The following B4GALNT3 variants were observed in gnomAD, a reference collection of about 807,000 sequenced individuals.
The protein encoded by B4GALNT3 is beta-1,4-N-acetylgalactosaminyltransferase 3.
B4GALNT3 carries 86 observed loss-of-function variants against 120.2 expected under a neutral mutation model. That is an observed-to-expected ratio of 0.72 (90% CI 0.60 to 0.86). The LOEUF is 0.86. B4GALNT3 is among the 40% of genes least tolerant of loss of function. The pLI, the probability that B4GALNT3 is intolerant of heterozygous loss-of-function variation, is 0.00. For synonymous variants in B4GALNT3, 518 were observed against 510.4 expected, an observed-to-expected ratio of 1.01 and a Z score of -0.20; for missense variants, 1,167 against 1,298.9, an observed-to-expected ratio of 0.90 and a Z score of 1.56.
chr12:531,767 T>C (rs1360475230), intron 1 of B4GALNT3, among the ~76,000 whole-genome samples: 1 of 152,128 alleles, frequency 6.6e-6, no homozygotes, highest in Non-Finnish European at 1.5e-5. Context: ...TTGGAAATTT[T>C]TAGGAAGAAA....
chr12:484,094 A>G (rs1592016657), intron 1 of B4GALNT3, among the ~76,000 whole-genome samples: 3 of 152,354 alleles, frequency 2.0e-5, no homozygotes, highest in Middle Eastern at 6.8e-3. Flanking sequence ...TTTATGAGGA[A>G]CTAATCCCGT....
intron 1 of B4GALNT3, among the ~76,000 whole-genome samples, chr12:488,965 A>T (rs1478168990): frequency 9.2e-5 from 14 of 152,132 alleles, no homozygotes. Flanking sequence ...GCTCGCTTAA[A>T]ACCACGGAAG....
At chr12:546,616 T>C (rs1167633801) in intron 6 of B4GALNT3, 30 bp from the exon 7 acceptor site, 1 of 1,544,486 alleles carries the variant, frequency 6.5e-7, no homozygotes, top group Non-Finnish European at 8.8e-7. Flanking sequence ...TCTCTGTTCC[T>C]CCCTCCTCTT....
chr12:536,043 C>T (rs1433004159), intron 2 of B4GALNT3, among the ~76,000 whole-genome samples, 175 bp from the exon 3 acceptor site: 1 of 152,184 alleles, frequency 6.6e-6, no homozygotes, highest in African/African-American at 2.4e-5. Context: ...TGAAGGAACC[C>T]GAGGAGCAGG....
At chr12:539,548 AAAAG>A (rs1350848485) in intron 3 of B4GALNT3, among the ~76,000 whole-genome samples, 8 of 152,120 alleles carry the variant, frequency 5.3e-5, no homozygotes, top group East Asian at 1.9e-4. Context: ...AAAAAAAAAA[AAAAG>A]AAAGAAACAG....
intron 1 of B4GALNT3, among the ~76,000 whole-genome samples, chr12:513,960 A>T (rs1946624060): frequency 1.3e-5 from 2 of 152,168 alleles, no homozygotes; most frequent in African/African-American, 4.8e-5. Context: ...TTCATAGTTG[A>T]TGATGGACAT....
At chr12:468,414 G>A (rs760767465) in intron 1 of B4GALNT3, among the ~76,000 whole-genome samples, 1 of 152,158 alleles carries the variant, frequency 6.6e-6, no homozygotes, top group Non-Finnish European at 1.5e-5. Flanking sequence ...AAATTATTAC[G>A]TCTTTCCATA....
chr12:488,470 C>T (rs546138812), intron 1 of B4GALNT3, among the ~76,000 whole-genome samples: 5 of 151,996 alleles, frequency 3.3e-5, no homozygotes, highest in Admixed American at 6.6e-5. Flanking sequence ...CTCATATATA[C>T]TGATGTATGC....
chr12:559,521 G>C (rs1592060828), intron 19 of B4GALNT3, 100 bp downstream of exon 19: 1 of 1,534,826 alleles, frequency 6.5e-7, no homozygotes, highest in Non-Finnish European at 8.9e-7. Flanking sequence ...CTCGGCCGCA[G>C]AGTCCCAAAG....
chr12:549,362 G>C (rs958152841), intron 9 of B4GALNT3, among the ~76,000 whole-genome samples: 3 of 152,260 alleles, frequency 2.0e-5, no homozygotes, highest in Admixed American at 1.3e-4. Flanking sequence ...TCGTAGTACA[G>C]AAGGCATGTG....
intron 1 of B4GALNT3, among the ~76,000 whole-genome samples, chr12:484,918 C>A (rs535450071): frequency 1.3e-3 from 192 of 152,202 alleles, no homozygotes; most frequent in Non-Finnish European, 2.1e-3. Flanking sequence ...GAACTCAGGT[C>A]CATCCTGTGG....
At chr12:542,111 C>G (rs1167394818) in intron 3 of B4GALNT3, among the ~76,000 whole-genome samples, 1 of 152,176 alleles carries the variant, frequency 6.6e-6, no homozygotes, top group Admixed American at 6.5e-5. Context: ...CTCTCCCATC[C>G]GTTCCAGTCT....
intron 3 of B4GALNT3, among the ~76,000 whole-genome samples, chr12:540,968 C>T (rs910803748): frequency 4.6e-5 from 7 of 152,172 alleles, no homozygotes; most frequent in African/African-American, 1.7e-4. Context: ...TGGTCTCGAT[C>T]TCCTGACCTC....
chr12:471,277 C>T (rs908336416), intron 1 of B4GALNT3, among the ~76,000 whole-genome samples: 12 of 151,072 alleles, frequency 7.9e-5, no homozygotes, highest in African/African-American at 2.9e-4. Flanking sequence ...CCAAGCTACT[C>T]GGGAGGCTGA....
chr12:551,781 G>A (rs1236540098), intron 11 of B4GALNT3, among the ~76,000 whole-genome samples: 2 of 152,118 alleles, frequency 1.3e-5, no homozygotes, highest in Non-Finnish European at 2.9e-5. Context: ...CTGAAGCTGA[G>A]GGACGGGAGC....
chr12:468,922 G>A (rs1006997412), intron 1 of B4GALNT3, among the ~76,000 whole-genome samples: 2 of 152,224 alleles, frequency 1.3e-5, no homozygotes, highest in African/African-American at 4.8e-5. Flanking sequence ...GACGAGAATA[G>A]AGAGAGGTGG....
At chr12:541,841 A>ACCCCCCCCCCC (rs371768004) in intron 3 of B4GALNT3, among the ~76,000 whole-genome samples, 2 of 59,162 alleles carry the variant, frequency 3.4e-5, no homozygotes, top group African/African-American at 7.3e-5. Flanking sequence ...CCCCCCCCTC[A>ACCCCCCCCCCC]CCCCCCCCCA....
chr12:552,108 C>T lies in B4GALNT3; in HGVS notation c.1153C>T (p.His385Tyr). ...CCCCAATGACTATACCCGCCTGAGC[C>T]ACATGGAGACCCACAATAAATGTTT... ...VYPNDYTRLS[H>Y]METHNKCFYQ... Residue 385 changes from histidine (H) to tyrosine (Y), a missense_variant, in exon 12 of 20, where the codon CAC becomes TAC. Physicochemically the swap from His to Tyr is moderately conservative, Grantham distance 83. Transcript: ENST00000266383. The T allele has an allele frequency of 6.2e-7, 1 of 1,613,376 alleles. No homozygotes were observed. The highest frequency in any genetic ancestry group is 8.5e-7 in the Non-Finnish European group (1 of 1,179,412).
chr12:554,512 T>C lies in B4GALNT3; in HGVS notation c.2060+529T>C, dbSNP rs113913144. Among the ~76,000 whole-genome samples the C allele has an allele frequency of 6.6e-3, 1,000 of 152,128 alleles. 13 individuals are homozygous for C. Among genetic ancestry groups the C allele is most frequent in the African/African-American group, 0.02 (830 of 41,450 alleles). On this transcript the variant is annotated intron_variant, in intron 14 of 19. Transcript: ENST00000266383. ...TGGTTTTAAAAGTATATTTACAGGC[T>C]GGGCGCGGTGGCTCACGCCTGTAAT...
Sources: gnomAD v4.1 joint callset for allele counts (sites outside exome capture counted in the v4.1 genomes callset) on GRCh38, gnomAD v4.1.1 for gene constraint, MANE v1.5 for transcripts, NCBI Gene and HGNC (gene_info 2026-07-23, HGNC 2026-07-21) for gene names.